MCTP2: variants seen among roughly 807,000 people sequenced by gnomAD.
MCTP2 encodes multiple C2 and transmembrane domain-containing protein 2.
In MCTP2, 132 loss-of-function variants were observed where a neutral mutation model predicts 111.6. The observed-to-expected ratio is 1.18, with a 90% confidence interval of 1.03 to 1.37. MCTP2 has a LOEUF of 1.37. Ranked by LOEUF, MCTP2 falls within the 40% of genes most tolerant of loss-of-function variation. The pLI, the probability that MCTP2 is intolerant of heterozygous loss-of-function variation, is 0.00. For missense variants in MCTP2, 1,183 were observed against 1,067.9 expected, an observed-to-expected ratio of 1.11 and a Z score of -1.50; for synonymous variants, 395 against 387.7, an observed-to-expected ratio of 1.02 and a Z score of -0.22.
At chr15:94,355,937 T>G (rs2078596783) in intron 8 of MCTP2, 200 bp from the exon 9 acceptor site, 1 of 1,215,426 alleles carries the variant, frequency 8.2e-7, no homozygotes, top group Non-Finnish European at 1.0e-6. Flanking sequence ...TTCACTATAT[T>G]ATTACCACTC....
At chr15:94,352,827 A>G (rs1366996265) in intron 8 of MCTP2, among the ~76,000 whole-genome samples, 1 of 152,210 alleles carries the variant, frequency 6.6e-6, no homozygotes, top group Non-Finnish European at 1.5e-5. Flanking sequence ...AAGAAAGCAC[A>G]CAATAGATGG....
intron 17 of MCTP2, among the ~76,000 whole-genome samples, chr15:94,434,881 A>C (rs1474339436): frequency 1.2e-5 from 1 of 82,708 alleles, no homozygotes. Context: ...TTTTTTTTTG[A>C]TGCAGTTTTG....
intron 17 of MCTP2, among the ~76,000 whole-genome samples, chr15:94,423,659 G>A (rs1427589370): frequency 6.6e-6 from 1 of 152,170 alleles, no homozygotes; most frequent in Admixed American, 6.5e-5. Flanking sequence ...ATTTAGATAT[G>A]TGTGTGCGCA....
Position 94,399,071 on chromosome 15 carries a change from A to G in MCTP2, c.1890+9A>G, listed in dbSNP as rs377408249. The G allele has an allele frequency of 1.3e-4, 181 of 1,390,916 alleles. No individual in the cohort carries two copies. Among genetic ancestry groups the G allele is most frequent in the Non-Finnish European group, 1.8e-4 (174 of 979,682 alleles). The allele number at this position is 1,390,916 out of a possible 1,614,324, so 86.2% of individuals were successfully genotyped here. ...ACCTTATATATAATCCGGTAAGTCT[A>G]GCTGGGTCATACTTCCCGGCTTTCC... is the stretch of plus-strand genomic sequence containing the variant. On this transcript the variant is annotated intron_variant, in intron 15 of 22. Coordinates refer to ENST00000357742, the MANE Select transcript of MCTP2 (RefSeq NM_001385001.1).
intron 20 of MCTP2, among the ~76,000 whole-genome samples, chr15:94,470,022 G>A (rs1329088310): frequency 2.6e-5 from 4 of 152,106 alleles, no homozygotes; most frequent in Non-Finnish European, 5.9e-5. Context: ...CATAGCCATC[G>A]TGGCAACATT....
At chr15:94,245,428 A>ATG (rs1567265352) in intron 1 of MCTP2, among the ~76,000 whole-genome samples, 7 of 105,040 alleles carry the variant, frequency 6.7e-5, no homozygotes, top group African/African-American at 1.7e-4. Flanking sequence ...ATGTGTGTAT[A>ATG]TATTTATATA....
intron 4 of MCTP2, among the ~76,000 whole-genome samples, chr15:94,316,251 TATGTATA>T (rs138673959): frequency 0.27 from 40,700 of 151,900 alleles, 6,080 homozygotes; most frequent in Admixed American, 0.4. Flanking sequence ...CTATGTGCAT[TATGTATA>T]ATGTATAATG....
intron 10 of MCTP2, among the ~76,000 whole-genome samples, chr15:94,360,443 C>T (rs975433212): frequency 6.6e-6 from 1 of 152,174 alleles, no homozygotes; most frequent in Non-Finnish European, 1.5e-5. Flanking sequence ...TACCAGGACC[C>T]TGCCAATACG....
intron 1 of MCTP2, among the ~76,000 whole-genome samples, chr15:94,249,586 C>T (rs1215378277): frequency 6.6e-6 from 1 of 151,656 alleles, no homozygotes; most frequent in Non-Finnish European, 1.5e-5. Context: ...CCTGGGTTCA[C>T]GCCATTCTCC....
intron 1 of MCTP2, among the ~76,000 whole-genome samples, chr15:94,281,314 A>G (rs191378632): frequency 2.7e-4 from 41 of 152,192 alleles, no homozygotes; most frequent in Middle Eastern, 3.4e-3. Context: ...TCATTATGGA[A>G]TGTCCTTCTT....
At chr15:94,377,000 A>G (rs2079812683) in intron 12 of MCTP2, among the ~76,000 whole-genome samples, 1 of 152,220 alleles carries the variant, frequency 6.6e-6, no homozygotes, top group African/African-American at 2.4e-5. Flanking sequence ...CACATTATAG[A>G]GTAAAAATGT....
chr15:94,417,004 A>C (rs2082407443), intron 17 of MCTP2, among the ~76,000 whole-genome samples: 1 of 152,126 alleles, frequency 6.6e-6, no homozygotes, highest in African/African-American at 2.4e-5. Context: ...TCTCATGATG[A>C]AGCAAAGTTT....
chr15:94,245,563 T>C (rs112403025), intron 1 of MCTP2, among the ~76,000 whole-genome samples: 11 of 143,800 alleles, frequency 7.6e-5, no homozygotes, highest in Admixed American at 2.8e-4. Flanking sequence ...TATGTATACA[T>C]ATATGTATAT....
intron 12 of MCTP2, among the ~76,000 whole-genome samples, chr15:94,371,252 T>G (rs1311329201): frequency 6.6e-6 from 1 of 152,190 alleles, no homozygotes; most frequent in African/African-American, 2.4e-5. Context: ...GATACAATTT[T>G]TGAGGCTTGT....
At chr15:94,234,480 C>T (rs1314127322) in intron 1 of MCTP2, among the ~76,000 whole-genome samples, 1 of 152,150 alleles carries the variant, frequency 6.6e-6, no homozygotes, top group Non-Finnish European at 1.5e-5. Flanking sequence ...GTCACACCCA[C>T]GGGGGGCCCT....
At chr15:94,290,650 C>G (rs909379432) in intron 1 of MCTP2, among the ~76,000 whole-genome samples, 2 of 152,164 alleles carry the variant, frequency 1.3e-5, no homozygotes, top group African/African-American at 2.4e-5. Context: ...TATGGGCTTT[C>G]CATAAGAAAC....
intron 1 of MCTP2, among the ~76,000 whole-genome samples, chr15:94,245,197 T>A (rs1230815854): frequency 6.9e-6 from 1 of 144,508 alleles, no homozygotes; most frequent in African/African-American, 2.5e-5. Context: ...CACATATGTA[T>A]GTATATATTT....
At chr15:94,440,128 C>A in intron 17 of MCTP2, 48 bp from the exon 18 acceptor site, 1 of 1,603,530 alleles carries the variant, frequency 6.2e-7, no homozygotes, top group South Asian at 1.1e-5. Flanking sequence ...GATTGCTCCC[C>A]TAGTGTTTTA....
chr15:94,399,719 A>T (rs551758775), intron 15 of MCTP2: 4 of 558,470 alleles, frequency 7.2e-6, no homozygotes, highest in Non-Finnish European at 6.5e-6. Context: ...TCTAGACTCA[A>T]TCTGACCCAT....
Sources: gnomAD v4.1 joint callset for allele counts (sites outside exome capture counted in the v4.1 genomes callset) on GRCh38, gnomAD v4.1.1 for gene constraint, MANE v1.5 for transcripts, NCBI Gene and HGNC (gene_info 2026-07-23, HGNC 2026-07-21) for gene names.